EPS15: variants seen among roughly 807,000 people sequenced by gnomAD.
EPS15 encodes epidermal growth factor receptor pathway substrate 15, also known as epidermal growth factor receptor substrate 15.
A neutral mutation model predicts 113.8 loss-of-function variants in EPS15; 72 were observed. That is an observed-to-expected ratio of 0.63 (90% CI 0.52 to 0.77). The LOEUF (loss-of-function observed/expected upper bound fraction) is 0.77. Among genes scored for constraint, EPS15 ranks in the 30% least tolerant of loss-of-function variants. The pLI is 0.00. For synonymous variants in EPS15, 344 were observed against 363.4 expected, an observed-to-expected ratio of 0.95 and a Z score of 0.61; for missense variants, 1,048 against 1,045.8, an observed-to-expected ratio of 1.00 and a Z score of -0.03.
Position 51,519,185 on chromosome 1 carries a change from G to C in EPS15, c.33+14C>G. The C allele has an allele frequency of 6.9e-7, 1 of 1,443,784 alleles. No individual in the cohort carries two copies. Among genetic ancestry groups the C allele is most frequent in the Non-Finnish European group, 9.2e-7 (1 of 1,090,008 alleles). 89.4% of individuals were successfully genotyped at this position (1,443,784 alleles called of 1,614,324 possible). On this transcript the variant is annotated intron_variant, in intron 1 of 24. Coordinates refer to ENST00000371733, the MANE Select transcript of EPS15 (RefSeq NM_001981.3). ...CCGGCCGGCCAAGCCCGGCGGACGG[G>C]CGTGTGGCGTTACCTGTGTCAGAGA... is the stretch of plus-strand genomic sequence containing the variant.
intron 21 of EPS15, among the ~76,000 whole-genome samples, chr1:51,378,089 G>T (rs528105210): frequency 6.6e-6 from 1 of 152,056 alleles, no homozygotes; most frequent in Non-Finnish European, 1.5e-5. Flanking sequence ...TAGAGACGTG[G>T]TTTCACCATG....
At chr1:51,493,584 A>AGC (rs1644279156) in intron 1 of EPS15, among the ~76,000 whole-genome samples, 1 of 150,294 alleles carries the variant, frequency 6.7e-6, no homozygotes, top group Non-Finnish European at 1.5e-5. Context: ...AAATAAAAAT[A>AGC]AAGCTCTATT....
At chr1:51,498,237 A>G (rs920879550) in intron 1 of EPS15, among the ~76,000 whole-genome samples, 2 of 152,328 alleles carry the variant, frequency 1.3e-5, no homozygotes, top group South Asian at 2.1e-4. Flanking sequence ...ACATACCCAT[A>G]TATTTCAAAT....
chr1:51,466,623 C>A (rs1422166282), intron 5 of EPS15, among the ~76,000 whole-genome samples: 3 of 148,086 alleles, frequency 2.0e-5, no homozygotes, highest in African/African-American at 7.5e-5. Flanking sequence ...AACTCCCTCT[C>A]AAAAAAAAAT....
At chr1:51,394,189 TAATA>T (rs1026694605) in intron 21 of EPS15, 188 bp downstream of exon 21, 60 of 444,976 alleles carry the variant, frequency 1.3e-4, no homozygotes, top group African/African-American at 1.2e-3. Context: ...TCAACATGAA[TAATA>T]AATGAAAGAA....
At chr1:51,406,293 C>T (rs1241725285) in intron 15 of EPS15, among the ~76,000 whole-genome samples, 185 bp from the exon 16 acceptor site, 4 of 152,074 alleles carry the variant, frequency 2.6e-5, no homozygotes, top group Admixed American at 6.5e-5. Flanking sequence ...CTGAGCAACA[C>T]GGTGAAACCT....
intron 10 of EPS15, among the ~76,000 whole-genome samples, chr1:51,446,451 T>G (rs1653054248): frequency 6.8e-6 from 1 of 146,800 alleles, no homozygotes; most frequent in Non-Finnish European, 1.5e-5. Context: ...GACACTGTCA[T>G]TCTTTTTTTT....
At position 51,361,179 on chromosome 1, in the gene EPS15, A is replaced by G. The variant is rs1441402149; in HGVS notation, c.2536T>C (p.Phe846Leu). The change falls in exon 24 of 25, where the codon TTC becomes CTC. Residue 846 changes from phenylalanine (F) to leucine (L), a missense_variant. Phe to Leu is a conservative substitution (Grantham distance 22). Coordinates refer to ENST00000371733, the MANE Select transcript of EPS15 (RefSeq NM_001981.3). ...KEADPSNFANFSAYPSEEDMI... is the reference protein window; with the variant it reads ...KEADPSNFANLSAYPSEEDMI... ...TCATTCACAGTACTTACAGCACTGAAGTTGGCAAAATTGCTTGGATCAGCC... is the reference window on the plus strand; with the variant it reads ...TCATTCACAGTACTTACAGCACTGAGGTTGGCAAAATTGCTTGGATCAGCC... 1 of 1,613,638 alleles carries G rather than the reference A, an allele frequency of 6.2e-7. No individual in the cohort carries two copies. Among genetic ancestry groups the G allele is most frequent in the Non-Finnish European group, 8.5e-7 (1 of 1,179,542 alleles).
At chr1:51,485,112 C>T (rs1260847032) in intron 1 of EPS15, among the ~76,000 whole-genome samples, 2 of 152,170 alleles carry the variant, frequency 1.3e-5, no homozygotes, top group African/African-American at 2.4e-5. Flanking sequence ...CAGAGAACCA[C>T]TGAGGCAGTT....
chr1:51,493,768 C>T (rs1189685544), intron 1 of EPS15, among the ~76,000 whole-genome samples: 1 of 151,188 alleles, frequency 6.6e-6, no homozygotes, highest in East Asian at 2.0e-4. Flanking sequence ...ACAGGCGTCA[C>T]GCCTGGCTAA....
intron 12 of EPS15, chr1:51,423,566 G>C: frequency 2.0e-6 from 2 of 985,364 alleles, no homozygotes; most frequent in Non-Finnish European, 2.4e-6. Flanking sequence ...CACAAGGTCA[G>C]TATCAACTCA....
rs375226658 is a variant in EPS15 at position 51,508,290 on chromosome 1, AAG to A, written c.33+10907_33+10908del. Among the ~76,000 whole-genome samples, 138 of 134,104 alleles carry A rather than the reference AAG, an allele frequency of 1.0e-3. 2 individuals carry two copies. The highest frequency in any genetic ancestry group is 2.9e-3 in the East Asian group (14 of 4,906). 88.0% of individuals were successfully genotyped at this position (134,104 alleles called of 152,430 possible). A position where few individuals can be genotyped will look rare whatever the true frequency, so the allele number is the denominator to read the frequency against. On this transcript the variant is annotated intron_variant, in intron 1 of 24. Transcript: ENST00000371733. ...AGAGAGAGAAAGAGAGAAAGAGAGA[AAG>A]AGAGAGAGAGAAAGAGAGAAAGAGA...
Position 51,468,896 on chromosome 1 carries a change from G to A in EPS15, c.214-328C>T, listed in dbSNP as rs548527157. ...TAAGCTCAACATTTTGGGAGGCCGAGACGGGCAGATCACTTGAGGTCAGGA... is the reference window on the plus strand; with the variant it reads ...TAAGCTCAACATTTTGGGAGGCCGAAACGGGCAGATCACTTGAGGTCAGGA... On this transcript the variant is annotated intron_variant, in intron 4 of 24. Coordinates refer to ENST00000371733, the MANE Select transcript of EPS15 (RefSeq NM_001981.3). Among the ~76,000 whole-genome samples, 10 of 152,278 alleles carry A rather than the reference G, an allele frequency of 6.6e-5. No individual in the cohort carries two copies. In the South Asian group the frequency reaches 2.1e-3, roughly 32 times the overall value.
chr1:51,386,820 G>A (rs1647089322), intron 21 of EPS15, among the ~76,000 whole-genome samples: 1 of 152,180 alleles, frequency 6.6e-6, no homozygotes, highest in African/African-American at 2.4e-5. Context: ...GGGACTATGT[G>A]AAAAGACCAA....
At chr1:51,498,384 G>C (rs140527181) in intron 1 of EPS15, among the ~76,000 whole-genome samples, 1 of 152,280 alleles carries the variant, frequency 6.6e-6, no homozygotes, top group Non-Finnish European at 1.5e-5. Flanking sequence ...CAGTACAAAA[G>C]CAGTAAGCAT....
At chr1:51,517,186 T>A (rs1369810884) in intron 1 of EPS15, among the ~76,000 whole-genome samples, 1 of 152,232 alleles carries the variant, frequency 6.6e-6, no homozygotes, top group Non-Finnish European at 1.5e-5. Flanking sequence ...ATCCCTCTTA[T>A]TGCCTCTTCA....
chr1:51,377,141 G>A (rs1026749067), intron 21 of EPS15, among the ~76,000 whole-genome samples: 11 of 152,258 alleles, frequency 7.2e-5, no homozygotes, highest in East Asian at 1.9e-4. Flanking sequence ...GGTGGCGGGC[G>A]TAATCTCAGC....
rs2148428789 is a variant in EPS15 at position 51,408,243 on chromosome 1, G to A, written c.1365C>T (p.Ser455=). Residue 455 remains serine (S), a synonymous_variant, in exon 15 of 25, where the codon AGC becomes AGT. Coordinates refer to ENST00000371733, the MANE Select transcript of EPS15 (RefSeq NM_001981.3). ...ATTCTGCTGTTTCTTGCTGTAGACG[G>A]CTCAGCTCTTCTCTAGCTTTTGCCA... is the stretch of plus-strand genomic sequence containing the variant. ...EELAKAREEL[S]RLQQETAELE... The A allele has an allele frequency of 6.2e-7, 1 of 1,613,764 alleles. No homozygotes were observed. The highest frequency in any genetic ancestry group is 8.5e-7 in the Non-Finnish European group (1 of 1,179,694).
chr1:51,354,886 A>C lies in EPS15; in HGVS notation c.*1814T>G, dbSNP rs887872541. 2.5e-5 allele frequency: 5 copies of C among 202,936 alleles called. No individual in the cohort carries two copies. The highest frequency in any genetic ancestry group is 1.6e-3 in the Middle Eastern group (1 of 616). The allele number at this position is 202,936 out of a possible 1,614,324, so 12.6% of individuals were successfully genotyped here. ...TGAGTTTAATTGAAAATTTTTTTGA[A>C]GCATTTAAACATTTGCTTATTTTCC... On this transcript the variant is annotated 3_prime_UTR_variant, in exon 25 of 25. Coordinates refer to ENST00000371733, the MANE Select transcript of EPS15 (RefSeq NM_001981.3).
Sources: gnomAD v4.1 joint callset for allele counts (sites outside exome capture counted in the v4.1 genomes callset) on GRCh38, gnomAD v4.1.1 for gene constraint, MANE v1.5 for transcripts, NCBI Gene and HGNC (gene_info 2026-07-23, HGNC 2026-07-21) for gene names.